The following PTPN13 variants were observed in gnomAD, a reference collection of about 807,000 sequenced individuals.
The protein encoded by PTPN13 is protein tyrosine phosphatase non-receptor type 13, also known as tyrosine-protein phosphatase non-receptor type 13.
In PTPN13, 191 loss-of-function variants were observed where a neutral mutation model predicts 284.0. The observed-to-expected ratio is 0.67, with a 90% CI of 0.60 to 0.76. The LOEUF (loss-of-function observed/expected upper bound fraction) is 0.76. PTPN13 is among the 30% of genes least tolerant of loss of function. The probability of loss-of-function intolerance (pLI) is 0.00; values close to 1 mark genes in which losing one functional copy is unlikely to be tolerated. For missense variants in PTPN13, 2,797 were observed against 2,939.9 expected, an observed-to-expected ratio of 0.95 and a Z score of 1.12; for synonymous variants, 986 against 1,022.3, an observed-to-expected ratio of 0.96 and a Z score of 0.68.
At chr4:86,680,750 C>T (rs960654884) in intron 3 of PTPN13, among the ~76,000 whole-genome samples, 1 of 152,152 alleles carries the variant, frequency 6.6e-6, no homozygotes, top group African/African-American at 2.4e-5. Context: ...TCCCAACTAC[C>T]TTATGACTCC....
In PTPN13 at chr4:86,780,459, A is replaced by G; in HGVS notation, c.5949A>G (p.Ser1983=). The G allele has an allele frequency of 6.2e-7, 1 of 1,604,306 alleles. No individual in the cohort carries two copies. Among genetic ancestry groups the G allele is most frequent in the Non-Finnish European group, 8.5e-7 (1 of 1,172,362 alleles). Residue 1983 remains serine (S), a synonymous_variant, in exon 36 of 48, where the codon TCA becomes TCG. Transcript: ENST00000411767. ...GGTCTGCTGTTTCAGCTCCAAAGTCAACCAAAGGCAATGGTAAGGATATAT... is the reference window on the plus strand; with the variant it reads ...GGTCTGCTGTTTCAGCTCCAAAGTCGACCAAAGGCAATGGTAAGGATATAT... ...SKRSAVSAPK[S]TKGNGSYSVG...
intron 19 of PTPN13, 24 bp from the exon 20 acceptor site, chr4:86,752,985 T>G: frequency 6.4e-7 from 1 of 1,563,054 alleles, no homozygotes. Context: ...TTATGAAATG[T>G]CTAATATTTA....
intron 6 of PTPN13, among the ~76,000 whole-genome samples, chr4:86,699,508 G>A (rs915520050): frequency 1.3e-5 from 2 of 152,140 alleles, no homozygotes; most frequent in Admixed American, 6.5e-5. Context: ...AAAAGAATAG[G>A]GAGTTAAGTT....
Position 86,764,574 on chromosome 4 carries a change from T to C in PTPN13, c.4018-19T>C. 1.4e-6 allele frequency: 2 copies of C among 1,399,310 alleles called. No individual in the cohort carries two copies. The highest frequency in any genetic ancestry group is 1.9e-6 in the Non-Finnish European group (2 of 1,066,988). The allele number at this position is 1,399,310 out of a possible 1,614,324, so 86.7% of individuals were successfully genotyped here. ...TTTTGACTCTAACAAGAAATCTTTG[T>C]TTGTTTTTCTTTGTTAAGGAATCTT... On this transcript the variant is annotated intron_variant, in intron 24 of 47. Coordinates refer to ENST00000411767, the MANE Select transcript of PTPN13 (RefSeq NM_080683.3).
intron 2 of PTPN13, among the ~76,000 whole-genome samples, chr4:86,670,138 G>A (rs1435267124): frequency 1.4e-5 from 2 of 147,576 alleles, no homozygotes; most frequent in Non-Finnish European, 3.0e-5. Context: ...CTAGGGCTCA[G>A]TCCTTGGTCT....
chr4:86,671,414 A>G (rs1313784655), intron 2 of PTPN13, among the ~76,000 whole-genome samples: 1 of 152,146 alleles, frequency 6.6e-6, no homozygotes, highest in Non-Finnish European at 1.5e-5. Context: ...TATAGCTATT[A>G]TCTTGAGTCT....
At chr4:86,800,490 A>G (rs1184519191) in intron 42 of PTPN13, among the ~76,000 whole-genome samples, 2 of 152,064 alleles carry the variant, frequency 1.3e-5, no homozygotes, top group African/African-American at 2.4e-5. Flanking sequence ...CGTCTCTTCT[A>G]AAAATACAAA....
intron 15 of PTPN13, among the ~76,000 whole-genome samples, chr4:86,737,734 CT>C (rs909758077): frequency 6.6e-6 from 1 of 150,858 alleles, no homozygotes; most frequent in Non-Finnish European, 1.5e-5. Context: ...TAGAATAATA[CT>C]TTTTTTTGTT....
chr4:86,763,421 A>G (rs138507713), intron 24 of PTPN13, among the ~76,000 whole-genome samples: 11 of 152,362 alleles, frequency 7.2e-5, no homozygotes, highest in African/African-American at 2.4e-4. Flanking sequence ...AATAACCCAA[A>G]GAAGGAATAT....
At chr4:86,726,848 T>C (rs1734315944) in intron 10 of PTPN13, among the ~76,000 whole-genome samples, 1 of 149,576 alleles carries the variant, frequency 6.7e-6, no homozygotes, top group African/African-American at 2.4e-5. Flanking sequence ...TCCAACACTA[T>C]GTTGAATAGG....
At position 86,752,961 on chromosome 4, in the gene PTPN13, A is replaced by G. The variant is rs147877921; in HGVS notation, c.3167-48A>G. The G allele has an allele frequency of 3.4e-3, 4,633 of 1,348,588 alleles. 24 individuals are homozygous for G. Among genetic ancestry groups the G allele is most frequent in the Middle Eastern group, 0.024 (130 of 5,422 alleles). 83.5% of individuals were successfully genotyped at this position (1,348,588 alleles called of 1,614,324 possible). ...ATCAGAAGAAATCACTTCGATATCTAGCATCTGACCATCTTATGAAATGTC... is the reference window on the plus strand; with the variant it reads ...ATCAGAAGAAATCACTTCGATATCTGGCATCTGACCATCTTATGAAATGTC... On this transcript the variant is annotated intron_variant, in intron 19 of 47. Transcript: ENST00000411767.
At chr4:86,629,072 G>A (rs1303022154) in intron 1 of PTPN13, among the ~76,000 whole-genome samples, 1 of 151,582 alleles carries the variant, frequency 6.6e-6, no homozygotes, top group Non-Finnish European at 1.5e-5. Context: ...AAAAGCAATG[G>A]CAACAAAAGC....
intron 9 of PTPN13, among the ~76,000 whole-genome samples, chr4:86,721,972 C>T (rs1012185392): frequency 2.0e-5 from 3 of 151,864 alleles, no homozygotes; most frequent in Non-Finnish European, 2.9e-5. Flanking sequence ...GTCTCGAACT[C>T]CTGGACTCAA....
At chr4:86,667,379 T>C (rs1713306149) in intron 2 of PTPN13, among the ~76,000 whole-genome samples, 1 of 152,204 alleles carries the variant, frequency 6.6e-6, no homozygotes, top group Non-Finnish European at 1.5e-5. Context: ...ATTGCTGTTT[T>C]ATCCTTTATG....
chr4:86,641,474 A>G (rs1723780590), intron 2 of PTPN13, among the ~76,000 whole-genome samples: 1 of 152,158 alleles, frequency 6.6e-6, no homozygotes, highest in Non-Finnish European at 1.5e-5. Flanking sequence ...AGCCAAGAAA[A>G]TTATCTGTTT....
intron 20 of PTPN13, among the ~76,000 whole-genome samples, chr4:86,756,989 A>C (rs1738050498): frequency 6.6e-6 from 1 of 152,196 alleles, no homozygotes; most frequent in Non-Finnish European, 1.5e-5. Flanking sequence ...AAATATCCTT[A>C]GGAATATGTT....
intron 3 of PTPN13, among the ~76,000 whole-genome samples, chr4:86,686,128 A>T (rs1224114423): frequency 6.6e-6 from 1 of 152,114 alleles, no homozygotes; most frequent in Non-Finnish European, 1.5e-5. Context: ...TTGGGAGGCT[A>T]AGGCGGACAG....
At chr4:86,601,258 G>A (rs112390123) in intron 1 of PTPN13, among the ~76,000 whole-genome samples, 7,053 of 151,628 alleles carry the variant, frequency 0.047, 221 homozygotes, top group African/African-American at 0.061. Context: ...GGGAATGTTC[G>A]GTTATCAAAT....
intron 6 of PTPN13, among the ~76,000 whole-genome samples, chr4:86,698,229 T>A (rs1205740047): frequency 6.6e-6 from 1 of 152,158 alleles, no homozygotes; most frequent in African/African-American, 2.4e-5. Flanking sequence ...GGTAAAAGAT[T>A]TAAGGATGGT....
Sources: allele counts gnomAD v4.1 joint callset (sites outside exome capture counted in the v4.1 genomes callset), GRCh38; gene constraint gnomAD v4.1.1; transcripts MANE v1.5; gene names NCBI Gene and HGNC (gene_info 2026-07-23, HGNC 2026-07-21).